The following POFUT1 variants were observed in gnomAD, a reference collection of about 807,000 sequenced individuals.
POFUT1 encodes the protein GDP-fucose protein O-fucosyltransferase 1.
A neutral mutation model predicts 42.4 loss-of-function variants in POFUT1; 16 were observed. The observed-to-expected ratio is 0.38, with a 90% CI of 0.26 to 0.57. The LOEUF (loss-of-function observed/expected upper bound fraction) is 0.57, where lower values mean the gene tolerates loss of function less well. Among genes scored for constraint, POFUT1 ranks in the 20% least tolerant of loss-of-function variants. The pLI, the probability that POFUT1 is intolerant of heterozygous loss-of-function variation, is 0.71. For missense variants in POFUT1, 470 were observed against 504.6 expected (o/e 0.93, Z 0.66); for synonymous variants, 206 against 205.4 (o/e 1.00, Z -0.03).
chr20:32,223,315 G>T (rs1260369834), intron 4 of POFUT1: 9 of 985,380 alleles, frequency 9.1e-6, no homozygotes, highest in Non-Finnish European at 9.6e-6. Flanking sequence ...TCCAGACAGC[G>T]CTGTCTTACC....
intron 1 of POFUT1, 130 bp downstream of exon 1, chr20:32,208,195 C>T: frequency 1.4e-5 from 13 of 921,820 alleles, no homozygotes; most frequent in Non-Finnish European, 1.8e-5. Context: ...GGGGCATGCT[C>T]TTCTCCTCTC....
rs116815380 is a variant in POFUT1, at chr20:32,217,092, G to A, written c.542+371G>A. 2.4e-4 allele frequency: 380 copies of A among 1,608,572 alleles called. 1 individual carries two copies. In the African/African-American group the frequency reaches 4.6e-3, roughly 19 times the overall value. On this transcript the variant is annotated intron_variant, in intron 4 of 6. Coordinates refer to ENST00000375749, the MANE Select transcript of POFUT1 (RefSeq NM_015352.2). The stretch of plus-strand genomic sequence containing the variant: ...TAGAGAACAGCTTCAGGTGCAGACC[G>A]AGAAATGACGTCATCCTGATAATTA...
chr20:32,216,530 C>T (rs897851131), intron 3 of POFUT1, 79 bp from the exon 4 acceptor site: 92 of 833,530 alleles, frequency 1.1e-4, no homozygotes, highest in Non-Finnish European at 7.4e-5. Flanking sequence ...CCAGCTTCCC[C>T]CACCTACACT....
At chr20:32,226,094 G>C (rs912490462) in intron 4 of POFUT1, among the ~76,000 whole-genome samples, 1 of 144,866 alleles carries the variant, frequency 6.9e-6, no homozygotes, top group Non-Finnish European at 1.5e-5. Context: ...TTGTATTTAG[G>C]TGTGTGTTTT....
Position 32,207,933 on chromosome 20 carries a change from C to T in POFUT1, c.-9C>T, listed in dbSNP as rs1377592124. On this transcript the variant is annotated 5_prime_UTR_variant, in exon 1 of 7. Transcript: ENST00000375749. Reference sequence around the variant, plus strand: ...GTGCGCCGCGGCTGGCTCGGGTTCCCGGGCCGACATGGGCGCCGCCGCGTG... The same window carrying T: ...GTGCGCCGCGGCTGGCTCGGGTTCCTGGGCCGACATGGGCGCCGCCGCGTG... 55 of 1,581,444 alleles carry T rather than the reference C, an allele frequency of 3.5e-5. No homozygotes were observed. Among genetic ancestry groups the T allele is most frequent in the Non-Finnish European group, 4.5e-5 (53 of 1,172,548 alleles).
chr20:32,223,692 T>C (rs1165035438), intron 4 of POFUT1: 2 of 985,238 alleles, frequency 2.0e-6, no homozygotes, highest in Non-Finnish European at 2.4e-6. Flanking sequence ...CGGGTCTTTC[T>C]GGTGAGGTCC....
In POFUT1 at chr20:32,234,767, C is replaced by G. The variant is rs1227386967; in HGVS notation, c.*106C>G. 1.0e-6 allele frequency: 1 copy of G among 972,744 alleles called. No individual in the cohort carries two copies. The highest frequency in any genetic ancestry group is 1.6e-5 in the African/African-American group (1 of 60,906). 60.3% of individuals were successfully genotyped at this position (972,744 alleles called of 1,614,324 possible). A position where few individuals can be genotyped will look rare whatever the true frequency, so the allele number is the denominator to read the frequency against. On this transcript the variant is annotated 3_prime_UTR_variant, in exon 7 of 7. Coordinates refer to ENST00000375749, the MANE Select transcript of POFUT1 (RefSeq NM_015352.2). The stretch of plus-strand genomic sequence containing the variant: ...AGGTGCTCCGGGATTGCAAACTCCT[C>G]TTCTCACCTGCCAAAGATGGAGAAG...
intron 4 of POFUT1, 25 bp downstream of exon 4, chr20:32,216,746 G>A: frequency 2.6e-6 from 4 of 1,523,314 alleles, no homozygotes; most frequent in Non-Finnish European, 3.6e-6. Context: ...TAGCGTTTCT[G>A]GGTTTAGGGG....
At chr20:32,213,649 C>G (rs2047342873) in intron 2 of POFUT1, among the ~76,000 whole-genome samples, 1 of 149,544 alleles carries the variant, frequency 6.7e-6, no homozygotes, top group Non-Finnish European at 1.5e-5. Context: ...TGCGTGCCTG[C>G]AATCCCAGCT....
intron 4 of POFUT1, among the ~76,000 whole-genome samples, chr20:32,226,028 G>A (rs183950650): frequency 1.6e-4 from 25 of 152,246 alleles, no homozygotes; most frequent in African/African-American, 5.8e-4. Context: ...TATAGTAAAA[G>A]TGCAATCATA....
chr20:32,222,508 G>A (rs2047395890), intron 4 of POFUT1: 1 of 674,608 alleles, frequency 1.5e-6, no homozygotes, highest in Admixed American at 6.3e-5. Flanking sequence ...ACATCTCATT[G>A]GCTAGTACGA....
In POFUT1 at chr20:32,228,341, A is replaced by G. The variant is rs1309380344; in HGVS notation, c.621A>G (p.Pro207=). 4.3e-6 allele frequency: 7 copies of G among 1,614,072 alleles called. No homozygotes were observed. Among genetic ancestry groups the G allele is most frequent in the Non-Finnish European group, 4.2e-6 (5 of 1,179,942 alleles). ...AQFPVLEEHR[P]LQKYMVWSDE... is the part of the protein sequence containing the mutation. ...TCCCCGTCCTAGAGGAACACAGGCCACTACAGAAGTACATGGTATGGTCAG... is the reference window on the plus strand; with the variant it reads ...TCCCCGTCCTAGAGGAACACAGGCCGCTACAGAAGTACATGGTATGGTCAG... Residue 207 remains proline (P), a synonymous_variant, in exon 5 of 7, where the codon CCA becomes CCG. Coordinates refer to ENST00000375749, the MANE Select transcript of POFUT1 (RefSeq NM_015352.2).
At chr20:32,232,578 A>G (rs2047448756) in intron 6 of POFUT1, among the ~76,000 whole-genome samples, 1 of 152,212 alleles carries the variant, frequency 6.6e-6, no homozygotes, top group African/African-American at 2.4e-5. Flanking sequence ...GCTACAATCC[A>G]GATAGCAAGA....
intron 3 of POFUT1, 111 bp from the exon 4 acceptor site, chr20:32,216,498 G>A (rs762577440): frequency 6.4e-5 from 44 of 690,624 alleles, no homozygotes; most frequent in Non-Finnish European, 1.1e-4. Flanking sequence ...CTGTGAGAGT[G>A]TTTTGGCCTG....
intron 2 of POFUT1, among the ~76,000 whole-genome samples, chr20:32,214,846 CT>C (rs1419491038): frequency 2.6e-5 from 4 of 152,146 alleles, no homozygotes; most frequent in Admixed American, 6.6e-5. Context: ...TTGATGAAAA[CT>C]TTTAATTGTC....
At chr20:32,213,899 T>A (rs1299657024) in intron 2 of POFUT1, among the ~76,000 whole-genome samples, 1 of 152,226 alleles carries the variant, frequency 6.6e-6, no homozygotes, top group Non-Finnish European at 1.5e-5. Flanking sequence ...AATAAAGCGT[T>A]ACAGATAAAG....
In POFUT1 at chr20:32,234,527, G is replaced by T. The variant is rs749782165; in HGVS notation, c.1033G>T (p.Gly345Cys). 6 of 1,613,910 alleles carry T rather than the reference G, an allele frequency of 3.7e-6. No individual in the cohort carries two copies. The highest frequency in any genetic ancestry group is 2.5e-6 in the Non-Finnish European group (3 of 1,179,918). ...EVAQVDLYIL[G>C]QADHFIGNCV... ...GGCCCAGGTCGACCTGTACATCCTC[G>T]GCCAAGCCGACCACTTTATTGGCAA... is the stretch of plus-strand genomic sequence containing the variant. The change falls in exon 7 of 7, where the codon GGC (glycine) becomes TGC (cysteine). Residue 345 changes from glycine to cysteine, a missense_variant. Transcript: ENST00000375749.
chr20:32,230,070 G>A (rs141201640), intron 5 of POFUT1, among the ~76,000 whole-genome samples: 8 of 152,070 alleles, frequency 5.3e-5, no homozygotes, highest in South Asian at 4.2e-4. Flanking sequence ...GAGGCACTGC[G>A]CCTGGTCCTC....
intron 1 of POFUT1, among the ~76,000 whole-genome samples, chr20:32,209,814 T>C (rs948128992): frequency 1.3e-5 from 2 of 152,038 alleles, no homozygotes; most frequent in African/African-American, 4.8e-5. Context: ...ATCAGAGGCA[T>C]TGGGTGGGGA....
Sources: gnomAD v4.1 joint callset for allele counts (sites outside exome capture counted in the v4.1 genomes callset) on GRCh38, gnomAD v4.1.1 for gene constraint, MANE v1.5 for transcripts, NCBI Gene and HGNC (gene_info 2026-07-23, HGNC 2026-07-21) for gene names.